The following SCNN1A variants were observed in gnomAD, a reference collection of about 807,000 sequenced individuals.
SCNN1A encodes epithelial sodium channel subunit alpha.
SCNN1A carries 65 observed loss-of-function variants against 68.6 expected under a neutral mutation model. That is an observed-to-expected ratio of 0.95 (90% CI 0.78 to 1.16). The LOEUF is 1.16. Ranked by LOEUF, SCNN1A falls within the 50% of genes most tolerant of loss-of-function variation. The probability of loss-of-function intolerance (pLI) is 0.00; values close to 1 mark genes in which losing one functional copy is unlikely to be tolerated. For missense variants in SCNN1A, 880 were observed against 865.9 expected, an observed-to-expected ratio of 1.02 and a Z score of -0.20; for synonymous variants, 357 against 353.3, an observed-to-expected ratio of 1.01 and a Z score of -0.12.
chr12:6,349,119 A>C (rs774870625), intron 10 of SCNN1A, 45 bp downstream of exon 10: 3 of 1,602,688 alleles, frequency 1.9e-6, no homozygotes, highest in Non-Finnish European at 2.6e-6. Flanking sequence ...CCACAGCATT[A>C]CATGGGCACA....
chr12:6,350,575 G>A (rs1350853033), intron 8 of SCNN1A, among the ~76,000 whole-genome samples: 6 of 152,140 alleles, frequency 3.9e-5, no homozygotes, highest in Non-Finnish European at 5.9e-5. Flanking sequence ...GGTGGCTCAC[G>A]CCTGTAATAC....
intron 4 of SCNN1A, among the ~76,000 whole-genome samples, chr12:6,357,575 G>A (rs7957162): frequency 0.2 from 30,469 of 151,634 alleles, 6,303 homozygotes; most frequent in African/African-American, 0.53. Context: ...AATAGTAAGA[G>A]GTGAAATGAG....
At chr12:6,353,673 T>C (rs1948430494) in intron 8 of SCNN1A, 1 of 85,486 alleles carries the variant, frequency 1.2e-5, no homozygotes. Flanking sequence ...CACTGCAGGC[T>C]CCGCCTCCCG....
At chr12:6,354,717 G>T in intron 7 of SCNN1A, 33 bp downstream of exon 7, 1 of 1,570,510 alleles carries the variant, frequency 6.4e-7, no homozygotes, top group Non-Finnish European at 8.8e-7. Context: ...CAGTGGCTGG[G>T]AGTGGCTGCC....
chr12:6,354,413 G>A, intron 8 of SCNN1A, 25 bp downstream of exon 8: 2 of 1,511,724 alleles, frequency 1.3e-6, no homozygotes, highest in South Asian at 1.1e-5. Flanking sequence ...CAGTGGGGCA[G>A]GGTGGGGGCT....
intron 3 of SCNN1A, 144 bp downstream of exon 3, chr12:6,363,297 CTT>C (rs940629062): frequency 5.4e-5 from 27 of 498,642 alleles, no homozygotes; most frequent in South Asian, 1.1e-4. Context: ...TATTTATTTA[CTT>C]TTTTTTTTGC....
At chr12:6,356,739 G>A (rs779384261) in intron 4 of SCNN1A, among the ~76,000 whole-genome samples, 3 of 152,174 alleles carry the variant, frequency 2.0e-5, no homozygotes, top group Non-Finnish European at 4.4e-5. Flanking sequence ...CAGCACATGT[G>A]CCACACGGCA....
chr12:6,349,326 C>A lies in SCNN1A; in HGVS notation c.1439+1G>T, dbSNP rs1369791519. ...CTGTACCCGGGGAAGGGGACACTAA[C>A]CTGCATGGCTTCCGGCACTTGGTGA... is the stretch of plus-strand genomic sequence containing the variant. On this transcript the variant is annotated splice_donor_variant, in intron 9 of 12. Transcript: ENST00000228916. LOFTEE classifies it high-confidence loss of function. 1.2e-6 allele frequency: 2 copies of A among 1,613,742 alleles called. No individual in the cohort carries two copies. The highest frequency in any genetic ancestry group is 2.7e-5 in the African/African-American group (2 of 75,012).
rs952273511 is a variant in SCNN1A, at chr12:6,347,493, C to T, written c.*380G>A. ...GCCGTCGCTGGGCAGGAAACCCGTG[C>T]ATGCCTGCGTGTACCCTTGGTTGTG... On this transcript the variant is annotated 3_prime_UTR_variant, in exon 13 of 13. Transcript: ENST00000228916. 2 of 250,508 alleles carry T rather than the reference C, an allele frequency of 8.0e-6. No individual in the cohort carries two copies. The highest frequency in any genetic ancestry group is 2.2e-5 in the African/African-American group (1 of 45,254). The allele number at this position is 250,508 out of a possible 1,614,324, so 15.5% of individuals were successfully genotyped here. A position where few individuals can be genotyped will look rare whatever the true frequency, so the allele number is the denominator to read the frequency against.
chr12:6,347,948 G>A lies in SCNN1A; in HGVS notation c.1935C>T (p.Ala645=), dbSNP rs370406973. ...CTGGAGATGGGCGGGGGCCCAGGGT[G>A]GCATAGGCAGGGGGAGGGGCTGTCA... ...PALTAPPPAY[A]TLGPRPSPGG... Residue 645 remains alanine, a synonymous_variant, in exon 13 of 13, where the codon GCC becomes GCT. Transcript: ENST00000228916. 1,626 of 1,572,534 alleles carry A rather than the reference G, an allele frequency of 1.0e-3. No individual in the cohort carries two copies. The highest frequency in any genetic ancestry group is 1.3e-3 in the Non-Finnish European group (1,499 of 1,155,628).
rs772855083 is a variant in SCNN1A at position 6,347,826 on chromosome 12, C to G, written c.*47G>C. The G allele has an allele frequency of 6.6e-7, 1 of 1,523,850 alleles. No individual in the cohort carries two copies. The highest frequency in any genetic ancestry group is 1.4e-5 in the African/African-American group (1 of 73,124). The allele number at this position is 1,523,850 out of a possible 1,614,324, so 94.4% of individuals were successfully genotyped here. On this transcript the variant is annotated 3_prime_UTR_variant, in exon 13 of 13. Transcript: ENST00000228916. ...CAATCTTGCCAGGGCCAGCACCCTC[C>G]CACCAGAGGAGCATCTGCCTTGGTG... is the stretch of plus-strand genomic sequence containing the variant.
At chr12:6,363,349 C>A in intron 3 of SCNN1A, 94 bp downstream of exon 3, 2 of 1,157,960 alleles carry the variant, frequency 1.7e-6, no homozygotes, top group Admixed American at 3.6e-5. Context: ...CACTGGGCTG[C>A]GCGGGCGGGT....
intron 2 of SCNN1A, among the ~76,000 whole-genome samples, chr12:6,366,789 A>G (rs1948687028): frequency 6.6e-6 from 1 of 151,166 alleles, no homozygotes; most frequent in Non-Finnish European, 1.5e-5. Context: ...AACCAGAGCG[A>G]AACTCCATCT....
intron 2 of SCNN1A, among the ~76,000 whole-genome samples, chr12:6,367,003 C>T (rs190205282): frequency 6.6e-5 from 10 of 152,290 alleles, no homozygotes; most frequent in Admixed American, 4.6e-4. Context: ...TTTTGGAAGG[C>T]CAAGTGGGTG....
intron 2 of SCNN1A, among the ~76,000 whole-genome samples, chr12:6,365,089 C>T (rs534736497): frequency 9.3e-4 from 137 of 147,094 alleles, no homozygotes; most frequent in Non-Finnish European, 1.3e-3. Flanking sequence ...GTGACACAAT[C>T]GCCGCTCACT....
intron 4 of SCNN1A, among the ~76,000 whole-genome samples, chr12:6,358,183 T>G (rs995058006): frequency 1.3e-5 from 2 of 152,204 alleles, no homozygotes; most frequent in Admixed American, 6.5e-5. Context: ...GAGCATGAAA[T>G]TATGCTTAGA....
At chr12:6,363,759 G>A in intron 2 of SCNN1A, 49 bp from the exon 3 acceptor site, 1 of 1,514,476 alleles carries the variant, frequency 6.6e-7, no homozygotes. Flanking sequence ...TGGAGCGAGT[G>A]TCTGGCCCCT....
At chr12:6,353,815 T>G (rs753960363) in intron 8 of SCNN1A, 5 of 144,902 alleles carry the variant, frequency 3.5e-5, no homozygotes, top group East Asian at 4.3e-4. Context: ...GGTCTCCATC[T>G]CCTGACCTCG....
chr12:6,354,792 A>G lies in SCNN1A; in HGVS notation c.1200T>C (p.Asp400=), dbSNP rs763054871. The change falls in exon 7 of 13, where the codon GAT becomes GAC. Residue 400 remains aspartate (D), a synonymous_variant. Transcript: ENST00000228916. The part of the protein sequence containing the change: ...DYGDCTKNGS[D]VPVENLYPSK... ...AAGGGTAAAGGTTCTCAACAGGAAC[A>G]TCACTGCCATTCTTGGTGCAGTCGC... 1.2e-6 allele frequency: 2 copies of G among 1,613,640 alleles called. No homozygotes were observed. The highest frequency in any genetic ancestry group is 1.7e-6 in the Non-Finnish European group (2 of 1,179,922).
Sources: gnomAD v4.1 joint callset for allele counts (sites outside exome capture counted in the v4.1 genomes callset) on GRCh38, gnomAD v4.1.1 for gene constraint, MANE v1.5 for transcripts, NCBI Gene and HGNC (gene_info 2026-07-23, HGNC 2026-07-21) for gene names.